Variants in CSMD1 observed in about 807,000 individuals in gnomAD.
CSMD1 encodes CUB and sushi domain-containing protein 1.
A neutral mutation model predicts 417.5 loss-of-function variants in CSMD1; 213 were observed. The observed-to-expected ratio is 0.51, with a 90% confidence interval of 0.46 to 0.57. CSMD1 has a LOEUF of 0.57. Ranked by LOEUF, CSMD1 falls within the 20% of genes least tolerant of loss-of-function variation. The pLI is 0.00. For synonymous variants in CSMD1, 2,862 were observed against 1,736.8 expected, an observed-to-expected ratio of 1.65 and a Z score of -16.11; for missense variants, 6,923 against 4,529.7, an observed-to-expected ratio of 1.53 and a Z score of -15.17.
intron 8 of CSMD1, among the ~76,000 whole-genome samples, chr8:3,598,506 C>T (rs1009377517): frequency 1.8e-4 from 28 of 152,156 alleles, no homozygotes; most frequent in African/African-American, 6.5e-4. Context: ...CCTTTCCTTC[C>T]CATCCTCCAA....
At chr8:4,690,075 G>C (rs764179791) in intron 1 of CSMD1, among the ~76,000 whole-genome samples, 27 of 152,144 alleles carry the variant, frequency 1.8e-4, no homozygotes, top group Non-Finnish European at 3.4e-4. Flanking sequence ...ACGGAGAAGA[G>C]TTACAAAGCC....
chr8:4,029,269 G>T (rs888928708), intron 4 of CSMD1, among the ~76,000 whole-genome samples: 8 of 152,140 alleles, frequency 5.3e-5, no homozygotes, highest in Non-Finnish European at 8.8e-5. Flanking sequence ...GATATTTGGG[G>T]GATATAATAA....
At chr8:3,203,873 G>A (rs532518763) in intron 31 of CSMD1, among the ~76,000 whole-genome samples, 2 of 152,270 alleles carry the variant, frequency 1.3e-5, no homozygotes, top group Admixed American at 1.3e-4. Flanking sequence ...CAGACAGGGA[G>A]CAGCCTCTTC....
chr8:3,056,006 A>G (rs528689889), intron 49 of CSMD1, among the ~76,000 whole-genome samples: 1 of 152,258 alleles, frequency 6.6e-6, no homozygotes, highest in African/African-American at 2.4e-5. Context: ...ATGACAAATT[A>G]TTATACGCAG....
chr8:4,244,191 C>T (rs1045718132), intron 3 of CSMD1, among the ~76,000 whole-genome samples: 6 of 152,172 alleles, frequency 3.9e-5, no homozygotes, highest in African/African-American at 1.2e-4. Flanking sequence ...ACCGTTTAGG[C>T]TTAGCTGAGC....
intron 5 of CSMD1, among the ~76,000 whole-genome samples, chr8:3,829,348 T>C (rs909755995): frequency 6.6e-6 from 1 of 152,194 alleles, no homozygotes; most frequent in Non-Finnish European, 1.5e-5. Flanking sequence ...TCTTTCTGGT[T>C]ACTGAGAACT....
At chr8:4,448,823 G>A (rs1315318282) in intron 2 of CSMD1, among the ~76,000 whole-genome samples, 1 of 152,294 alleles carries the variant, frequency 6.6e-6, no homozygotes, top group East Asian at 1.9e-4. Flanking sequence ...TTCTGGGACA[G>A]GGTAAAAGGT....
chr8:3,484,685 T>C (rs899936107), intron 11 of CSMD1, among the ~76,000 whole-genome samples: 1 of 152,196 alleles, frequency 6.6e-6, no homozygotes, highest in Non-Finnish European at 1.5e-5. Context: ...CTGCAAACCA[T>C]GTATTCTACA....
chr8:4,041,246 T>A (rs1276968318), intron 3 of CSMD1, among the ~76,000 whole-genome samples: 5 of 151,994 alleles, frequency 3.3e-5, no homozygotes, highest in Non-Finnish European at 7.4e-5. Context: ...CACGATCTCC[T>A]GACCTCGTGA....
At chr8:4,050,202 T>A (rs1798351846) in intron 3 of CSMD1, among the ~76,000 whole-genome samples, 2 of 152,094 alleles carry the variant, frequency 1.3e-5, no homozygotes, top group Non-Finnish European at 2.9e-5. Flanking sequence ...CTTGATCACT[T>A]GGCTAGGGTC....
At chr8:4,697,549 G>T (rs138304967) in intron 1 of CSMD1, among the ~76,000 whole-genome samples, 12 of 152,154 alleles carry the variant, frequency 7.9e-5, no homozygotes, top group Non-Finnish European at 1.6e-4. Context: ...GGGGAATGTC[G>T]ACGATAGCAA....
At chr8:3,545,242 G>A (rs958010279) in intron 10 of CSMD1, among the ~76,000 whole-genome samples, 1 of 152,144 alleles carries the variant, frequency 6.6e-6, no homozygotes, top group South Asian at 2.1e-4. Context: ...ATATGTATGT[G>A]TCTATGAACT....
chr8:4,711,233 C>G (rs1012236828), intron 1 of CSMD1, among the ~76,000 whole-genome samples: 1 of 151,354 alleles, frequency 6.6e-6, no homozygotes, highest in Non-Finnish European at 1.5e-5. Flanking sequence ...GTTAATCATG[C>G]TATGAAATGA....
chr8:4,483,984 C>T (rs751769602), intron 2 of CSMD1, among the ~76,000 whole-genome samples: 52 of 152,114 alleles, frequency 3.4e-4, no homozygotes, highest in Non-Finnish European at 6.2e-4. Context: ...GGAGAGAGCA[C>T]AGCCCTGGGA....
intron 16 of CSMD1, 142 bp downstream of exon 16, chr8:3,399,249 T>G: frequency 1.5e-6 from 1 of 670,704 alleles, no homozygotes; most frequent in South Asian, 2.4e-5. Context: ...AACTTACAAG[T>G]AAGTGCCTGT....
At chr8:3,337,164 C>T (rs1012630461) in intron 23 of CSMD1, among the ~76,000 whole-genome samples, 5 of 152,120 alleles carry the variant, frequency 3.3e-5, no homozygotes, top group African/African-American at 1.2e-4. Context: ...ATGACTCTGC[C>T]ACAAACCAAC....
In CSMD1 at chr8:4,265,404, T is replaced by C. The variant is rs187608159; in HGVS notation, c.415+154549A>G. On this transcript the variant is annotated intron_variant, in intron 3 of 69. Coordinates refer to ENST00000635120, the MANE Select transcript of CSMD1 (RefSeq NM_033225.6). ...CAATTAGTAAACAGTTAATGCACCA[T>C]ATTCAGAGTTCTTCAAAGCCAGTTG... is the stretch of plus-strand genomic sequence containing the variant. 6.2e-3 allele frequency among the ~76,000 whole-genome samples: 671 copies of C among 107,842 alleles called. 110 individuals carry two copies. Among genetic ancestry groups the C allele is most frequent in the African/African-American group, 0.015 (596 of 39,376 alleles). The allele number at this position is 107,842 out of a possible 152,430, so 70.7% of individuals were successfully genotyped here.
intron 62 of CSMD1, among the ~76,000 whole-genome samples, chr8:2,959,512 C>T (rs1444490351): frequency 1.3e-5 from 2 of 152,172 alleles, no homozygotes; most frequent in African/African-American, 2.4e-5. Flanking sequence ...CATGGATAAC[C>T]TGTATCATTT....
chr8:4,883,673 G>T (rs114682605), intron 1 of CSMD1, among the ~76,000 whole-genome samples: 1 of 151,774 alleles, frequency 6.6e-6, no homozygotes, highest in Admixed American at 6.6e-5. Context: ...TTTTTATTGC[G>T]GAATAATAAC....
Sources: allele counts gnomAD v4.1 joint callset (sites outside exome capture counted in the v4.1 genomes callset), GRCh38; gene constraint gnomAD v4.1.1; transcripts MANE v1.5; gene names NCBI Gene and HGNC (gene_info 2026-07-23, HGNC 2026-07-21).